ARID1B: variants seen among roughly 807,000 people sequenced by gnomAD.
ARID1B encodes AT-rich interactive domain-containing protein 1B.
Under a neutral mutation model 212.3 loss-of-function variants are expected in ARID1B, and 30 were observed. The ratio of observed to expected loss-of-function variants is 0.14; its 90% CI spans 0.11 to 0.19. The LOEUF (loss-of-function observed/expected upper bound fraction) is 0.19. ARID1B is among the 10% of genes least tolerant of loss of function. The pLI is 1.00. For missense variants in ARID1B, 2,891 were observed against 3,204.0 expected, an observed-to-expected ratio of 0.90 and a Z score of 2.36; for synonymous variants, 1,402 against 1,301.7, an observed-to-expected ratio of 1.08 and a Z score of -1.66.
intron 4 of ARID1B, among the ~76,000 whole-genome samples, chr6:157,003,201 G>A (rs1779007460): frequency 6.6e-6 from 1 of 152,198 alleles, no homozygotes; most frequent in African/African-American, 2.4e-5. Context: ...GAGTACACTT[G>A]AATTTCAGAA....
intron 6 of ARID1B, among the ~76,000 whole-genome samples, chr6:157,120,677 G>C (rs980610114): frequency 6.6e-6 from 1 of 152,154 alleles, no homozygotes; most frequent in African/African-American, 2.4e-5. Context: ...AAGGTGGCGT[G>C]GTATGTAACC....
At chr6:156,795,840 C>T (rs1780331803) in intron 1 of ARID1B, among the ~76,000 whole-genome samples, 1 of 152,142 alleles carries the variant, frequency 6.6e-6, no homozygotes, top group Non-Finnish European at 1.5e-5. Flanking sequence ...CTATTCCTCT[C>T]TTCTAATTGC....
chr6:157,079,637 T>A (rs988556194), intron 4 of ARID1B, among the ~76,000 whole-genome samples: 2 of 152,252 alleles, frequency 1.3e-5, no homozygotes, highest in African/African-American at 4.8e-5. Context: ...TTTTAATAGC[T>A]AAGTCAATAG....
At position 157,044,226 on chromosome 6, in the gene ARID1B, C is replaced by T. The variant is rs147297460; in HGVS notation, c.2248-40436C>T. Among the ~76,000 whole-genome samples the T allele has an allele frequency of 3.1e-3, 468 of 152,072 alleles. 4 individuals carry two copies. The highest frequency in any genetic ancestry group is 9.9e-3 in the African/African-American group (411 of 41,484). ...ATAAATAACAAAAGGATTAGTCACC[C>T]GTAAATATAATTTCAAATAGAATAA... On this transcript the variant is annotated intron_variant, in intron 4 of 19. Transcript: ENST00000636930.
chr6:156,915,437 G>A (rs1168397788), intron 3 of ARID1B, among the ~76,000 whole-genome samples: 2 of 151,526 alleles, frequency 1.3e-5, no homozygotes, highest in African/African-American at 4.9e-5. Flanking sequence ...GTGTGGTCGC[G>A]CATGCCTGTA....
At chr6:156,856,691 C>CTT (rs1427233719) in intron 2 of ARID1B, among the ~76,000 whole-genome samples, 6 of 82,972 alleles carry the variant, frequency 7.2e-5, no homozygotes, top group African/African-American at 2.4e-4. Flanking sequence ...CTCTCTCTCT[C>CTT]TCTCTCTCTC....
At chr6:157,004,908 T>TTG (rs1779142368) in intron 4 of ARID1B, among the ~76,000 whole-genome samples, 1 of 112,700 alleles carries the variant, frequency 8.9e-6, no homozygotes, top group Non-Finnish European at 1.8e-5. Flanking sequence ...TTTTTTTTTT[T>TTG]TTTTTTTTTT....
chr6:156,777,959 C>T lies in ARID1B; in HGVS notation c.279C>T (p.Ala93=), dbSNP rs1265929834. 4 of 1,529,866 alleles carry T rather than the reference C, an allele frequency of 2.6e-6. No homozygotes were observed. The highest frequency in any genetic ancestry group is 1.2e-5 in the South Asian group (1 of 83,536). 94.8% of individuals were successfully genotyped at this position (1,529,866 alleles called of 1,614,324 possible). Residue 93 remains alanine, a synonymous_variant, in exon 1 of 20, where the codon GCC becomes GCT. Transcript: ENST00000636930. ...CCCATAACGCGGGCGCCGCGGCCGC[C>T]GCCGGCACCCACAGCGCCAAGAGCG... The part of the protein sequence containing the change: ...NMAHNAGAAA[A]AGTHSAKSGG...
intron 4 of ARID1B, among the ~76,000 whole-genome samples, chr6:157,043,851 C>T (rs1583205978): frequency 6.6e-6 from 1 of 152,118 alleles, no homozygotes; most frequent in South Asian, 2.1e-4. Context: ...CTAGTTGGTT[C>T]CTTTTAACCT....
chr6:157,089,566 C>T (rs1785152147), intron 5 of ARID1B, among the ~76,000 whole-genome samples: 1 of 152,168 alleles, frequency 6.6e-6, no homozygotes, highest in African/African-American at 2.4e-5. Context: ...AGCTTTGCAG[C>T]TCTCTATAGT....
At chr6:156,861,776 G>C (rs188199865) in intron 2 of ARID1B, among the ~76,000 whole-genome samples, 2 of 152,266 alleles carry the variant, frequency 1.3e-5, no homozygotes, top group East Asian at 3.9e-4. Context: ...AGGCAGCTAT[G>C]AAGTCTGTAC....
At chr6:157,166,643 C>T (rs1791345235) in intron 8 of ARID1B, 1 of 155,116 alleles carries the variant, frequency 6.4e-6, no homozygotes, top group African/African-American at 2.4e-5. Flanking sequence ...ATTTGTTTTT[C>T]ATTTCTTAAC....
At chr6:156,960,096 A>C (rs1229189332) in intron 4 of ARID1B, among the ~76,000 whole-genome samples, 1 of 151,824 alleles carries the variant, frequency 6.6e-6, no homozygotes, top group African/African-American at 2.4e-5. Flanking sequence ...ATGCCCAGCT[A>C]ATTTTTGTAT....
chr6:157,117,860 C>T (rs200066904), intron 6 of ARID1B, among the ~76,000 whole-genome samples: 86 of 152,308 alleles, frequency 5.6e-4, no homozygotes, highest in African/African-American at 2.0e-3. Flanking sequence ...GCTGCTCCCC[C>T]CTGCCTCTGT....
chr6:156,845,486 C>T (rs1319418336), intron 2 of ARID1B, among the ~76,000 whole-genome samples: 5 of 151,992 alleles, frequency 3.3e-5, no homozygotes, highest in Non-Finnish European at 7.4e-5. Context: ...GAAAGGTGGC[C>T]TTAATGGGTG....
At chr6:156,818,017 C>T (rs1354006177) in intron 1 of ARID1B, among the ~76,000 whole-genome samples, 1 of 150,988 alleles carries the variant, frequency 6.6e-6, no homozygotes, top group Non-Finnish European at 1.5e-5. Flanking sequence ...TGTCTGTTGT[C>T]CTAATAGCAT....
chr6:157,049,337 G>A (rs550095687), intron 4 of ARID1B, among the ~76,000 whole-genome samples: 8 of 152,254 alleles, frequency 5.3e-5, no homozygotes, highest in Middle Eastern at 3.4e-3. Flanking sequence ...TGGTAGCTGG[G>A]CAGTTTTCTC....
rs2115000200 is a variant in ARID1B, at chr6:156,779,255, C to A, written c.1575C>A (p.Ser525Arg). The A allele has an allele frequency of 8.4e-7, 1 of 1,189,246 alleles. No homozygotes were observed. Among genetic ancestry groups the A allele is most frequent in the Non-Finnish European group, 1.0e-6 (1 of 955,924 alleles). The allele number at this position is 1,189,246 out of a possible 1,614,324, so 73.7% of individuals were successfully genotyped here. A position where few individuals can be genotyped will look rare whatever the true frequency, so the allele number is the denominator to read the frequency against. ...GCGGCAGCTACCCCGAGTACAGCAG[C>A]CCCAGCGCGCCGCCGCCGCCGCCGT... ...SYGGSYPEYS[S>R]PSAPPPPPSQ... The change falls in exon 1 of 20, where the codon AGC becomes AGA. Residue 525 changes from serine to arginine, a missense_variant. Ser to Arg is a moderately radical substitution (Grantham distance 110). Transcript: ENST00000636930.
chr6:157,098,729 C>T (rs964289636), intron 5 of ARID1B, among the ~76,000 whole-genome samples: 1 of 152,150 alleles, frequency 6.6e-6, no homozygotes, highest in Non-Finnish European at 1.5e-5. Context: ...GCTGTTTTAT[C>T]CACAAAGACA....
Sources: allele counts gnomAD v4.1 joint callset (sites outside exome capture counted in the v4.1 genomes callset), GRCh38; gene constraint gnomAD v4.1.1; transcripts MANE v1.5; gene names NCBI Gene and HGNC (gene_info 2026-07-23, HGNC 2026-07-21).